Variants in CDH19 observed in about 807,000 individuals in gnomAD.
CDH19 encodes the protein cadherin 19.
A neutral mutation model predicts 64.2 loss-of-function variants in CDH19; 67 were observed. The ratio of observed to expected loss-of-function variants is 1.04; its 90% CI spans 0.86 to 1.28. The LOEUF (loss-of-function observed/expected upper bound fraction) is 1.28. CDH19 is among the 50% of genes most tolerant of loss of function. The pLI, the probability that CDH19 is intolerant of heterozygous loss-of-function variation, is 0.00. For missense variants in CDH19, 1,030 were observed against 929.0 expected (o/e 1.11, Z -1.41); for synonymous variants, 346 against 319.3 (o/e 1.08, Z -0.89).
At chr18:66,602,070 C>T (rs1333810325) in intron 1 of CDH19, among the ~76,000 whole-genome samples, 1 of 151,818 alleles carries the variant, frequency 6.6e-6, no homozygotes, top group South Asian at 2.1e-4. Context: ...AGGAAATCGT[C>T]GTGACAACAA....
intron 1 of CDH19, among the ~76,000 whole-genome samples, chr18:66,590,212 C>A (rs916645671): frequency 6.6e-6 from 1 of 151,732 alleles, no homozygotes; most frequent in Non-Finnish European, 1.5e-5. Context: ...GATGACTTTA[C>A]GGTAAATATT....
At chr18:66,551,333 G>T in intron 4 of CDH19, 75 bp from the exon 5 acceptor site, 3 of 818,420 alleles carry the variant, frequency 3.7e-6, no homozygotes, top group Non-Finnish European at 4.1e-6. Context: ...CTTAACCATT[G>T]CAGTATACAT....
intron 5 of CDH19, among the ~76,000 whole-genome samples, chr18:66,549,073 G>C (rs1271805589): frequency 6.6e-6 from 1 of 152,034 alleles, no homozygotes; most frequent in African/African-American, 2.4e-5. Context: ...AAACCATGTG[G>C]ACAAGAGTAA....
In CDH19 at chr18:66,599,395, A is replaced by C. The variant is rs539438051; in HGVS notation, c.-113+4559T>G. On this transcript the variant is annotated intron_variant, in intron 1 of 11. Transcript: ENST00000262150. The stretch of plus-strand genomic sequence containing the variant: ...GCATAAAGTAGACTGGTATTTACAG[A>C]GGCTGGTGGGGTGGGGCAGATGAGG... Among the ~76,000 whole-genome samples the C allele has an allele frequency of 2.6e-5, 4 of 152,170 alleles. No homozygotes were observed. In the East Asian group the frequency reaches 7.7e-4, roughly 29 times the overall value.
intron 3 of CDH19, among the ~76,000 whole-genome samples, chr18:66,567,587 A>G (rs1382501313): frequency 6.6e-6 from 1 of 151,910 alleles, no homozygotes; most frequent in Non-Finnish European, 1.5e-5. Flanking sequence ...AGAAAATTAT[A>G]TGATGAAATA....
intron 3 of CDH19, among the ~76,000 whole-genome samples, chr18:66,567,471 A>G (rs1987951179): frequency 6.6e-6 from 1 of 151,794 alleles, no homozygotes; most frequent in African/African-American, 2.4e-5. Flanking sequence ...GTCTTGATAT[A>G]TATTACACAG....
intron 7 of CDH19, among the ~76,000 whole-genome samples, chr18:66,535,544 G>A (rs141773543): frequency 0.039 from 5,766 of 149,322 alleles, 169 homozygotes; most frequent in Middle Eastern, 0.073. Context: ...ATAGTAGATA[G>A]AATTTTAATT....
intron 2 of CDH19, among the ~76,000 whole-genome samples, chr18:66,571,085 T>TGTGTGTGTGTATGC (rs1988087191): frequency 6.6e-6 from 1 of 151,612 alleles, no homozygotes; most frequent in Admixed American, 6.6e-5. Context: ...TTGTAATGTG[T>TGTGTGTGTGTATGC]GTGTGTGTGT....
intron 3 of CDH19, among the ~76,000 whole-genome samples, chr18:66,566,280 CTTTTTTT>C (rs34978720): frequency 5.0e-5 from 6 of 120,792 alleles, no homozygotes; most frequent in African/African-American, 1.8e-4. Context: ...ATGACCCTTT[CTTTTTTT>C]TTTTTTTTTT....
At chr18:66,529,211 TTTTA>T (rs1467271114) in intron 9 of CDH19, among the ~76,000 whole-genome samples, 2 of 151,802 alleles carry the variant, frequency 1.3e-5, no homozygotes, top group Non-Finnish European at 2.9e-5. Flanking sequence ...CAAAACTCAG[TTTTA>T]TTTGTGTTGC....
chr18:66,567,395 A>G (rs1423005643), intron 3 of CDH19, among the ~76,000 whole-genome samples: 3 of 151,140 alleles, frequency 2.0e-5, no homozygotes, highest in African/African-American at 7.3e-5. Context: ...AGGAAGGTGA[A>G]CTGTTTCTTT....
chr18:66,596,282 A>G (rs1314313949), intron 1 of CDH19: 1 of 152,198 alleles, frequency 6.6e-6, no homozygotes, highest in Non-Finnish European at 1.5e-5. Context: ...CACCACTCCT[A>G]TTTAATATAG....
chr18:66,526,312 C>T (rs1986218733), intron 9 of CDH19, among the ~76,000 whole-genome samples: 1 of 151,850 alleles, frequency 6.6e-6, no homozygotes, highest in African/African-American at 2.4e-5. Flanking sequence ...TTCCATAAAG[C>T]TTTACATTTA....
intron 8 of CDH19, among the ~76,000 whole-genome samples, chr18:66,534,270 C>A (rs1986570543): frequency 6.6e-6 from 1 of 151,894 alleles, no homozygotes; most frequent in Non-Finnish European, 1.5e-5. Flanking sequence ...CCTTGAAAAC[C>A]CAGATTCAAG....
chr18:66,554,431 G>A lies in CDH19; in HGVS notation c.584C>T (p.Pro195Leu). ...TGTTGTTGGTTCAACAGAAAAATATGGCTGGCCTTGAAGTAAGCTGTAGAG... is the reference window on the plus strand; with the variant it reads ...TGTTGTTGGTTCAACAGAAAAATATAGCTGGCCTTGAAGTAAGCTGTAGAG... The part of the protein sequence containing the change: ...RLLYSLLQGQ[P>L]YFSVEPTTGV... Residue 195 changes from proline to leucine, a missense_variant, in exon 4 of 12, where the codon CCA becomes CTA. Pro to Leu is a moderately conservative substitution (Grantham distance 98). Coordinates refer to ENST00000262150, the MANE Select transcript of CDH19 (RefSeq NM_021153.4). 3 of 1,611,524 alleles carry A rather than the reference G, an allele frequency of 1.9e-6. No homozygotes were observed. Among genetic ancestry groups the A allele is most frequent in the Non-Finnish European group, 2.5e-6 (3 of 1,178,440 alleles).
At chr18:66,534,342 T>A (rs1986574422) in intron 8 of CDH19, among the ~76,000 whole-genome samples, 2 of 151,864 alleles carry the variant, frequency 1.3e-5, no homozygotes, top group Non-Finnish European at 2.9e-5. Flanking sequence ...GGAGATGCCT[T>A]CCACTCCACC....
Position 66,513,086 on chromosome 18 carries a change from A to G in CDH19, c.1459-1401T>C, listed in dbSNP as rs59011173. ...TATCTTTATATGCACATTTGCTGAA[A>G]TAAGATTGATAACAAAGTATAGAAT... is the stretch of plus-strand genomic sequence containing the variant. On this transcript the variant is annotated intron_variant, in intron 9 of 11. Coordinates refer to ENST00000262150, the MANE Select transcript of CDH19 (RefSeq NM_021153.4). 4.6e-4 allele frequency among the ~76,000 whole-genome samples: 69 copies of G among 151,580 alleles called. 1 individual carries two copies. The highest frequency in any genetic ancestry group is 1.6e-3 in the African/African-American group (67 of 41,514).
At chr18:66,555,636 CCT>C (rs1987490601) in intron 3 of CDH19, among the ~76,000 whole-genome samples, 1 of 151,478 alleles carries the variant, frequency 6.6e-6, no homozygotes, top group African/African-American at 2.4e-5. Context: ...AAACTTTTTG[CCT>C]CTCTTTTCCA....
chr18:66,510,251 A>G (rs751295630), intron 10 of CDH19, among the ~76,000 whole-genome samples: 2 of 151,732 alleles, frequency 1.3e-5, no homozygotes, highest in East Asian at 1.9e-4. Flanking sequence ...CTTAAGGTCT[A>G]TAAAGCCCAT....
Sources: allele counts gnomAD v4.1 joint callset (sites outside exome capture counted in the v4.1 genomes callset), GRCh38; gene constraint gnomAD v4.1.1; transcripts MANE v1.5; gene names NCBI Gene and HGNC (gene_info 2026-07-23, HGNC 2026-07-21).